The following OXR1 variants were observed in gnomAD, a reference collection of about 807,000 sequenced individuals.
OXR1 encodes oxidation resistance 1, also known as oxidation resistance protein 1.
In OXR1, 41 loss-of-function variants were observed where a neutral mutation model predicts 104.6. That is an observed-to-expected ratio of 0.39 (90% CI 0.31 to 0.51). The LOEUF is 0.51. Ranked by LOEUF, OXR1 falls within the 20% of genes least tolerant of loss-of-function variation. The pLI, the probability that OXR1 is intolerant of heterozygous loss-of-function variation, is 0.77. For missense variants in OXR1, 955 were observed against 1,031.9 expected, an observed-to-expected ratio of 0.93 and a Z score of 1.02; for synonymous variants, 348 against 348.4, an observed-to-expected ratio of 1.00 and a Z score of 0.01.
chr8:106,324,831 A>G (rs539509572), intron 1 of OXR1, among the ~76,000 whole-genome samples: 6 of 152,208 alleles, frequency 3.9e-5, no homozygotes, highest in Non-Finnish European at 7.3e-5. Flanking sequence ...TTTTGGAACC[A>G]TAAGGTCTCT....
At chr8:106,683,337 T>C (rs753014938) in intron 5 of OXR1, 31 bp downstream of exon 5, 5 of 1,010,900 alleles carry the variant, frequency 4.9e-6, no homozygotes, top group Non-Finnish European at 7.9e-6. Context: ...TGCTGATGTT[T>C]AGAAACATTA....
At chr8:106,418,924 G>A (rs1429049761) in intron 2 of OXR1, among the ~76,000 whole-genome samples, 2 of 126,582 alleles carry the variant, frequency 1.6e-5, no homozygotes, top group East Asian at 7.5e-4. Context: ...TTTTAGCAAT[G>A]AGCATATGTT....
chr8:106,395,162 C>T (rs1817728016), intron 2 of OXR1, among the ~76,000 whole-genome samples: 1 of 152,136 alleles, frequency 6.6e-6, no homozygotes, highest in South Asian at 2.1e-4. Context: ...TGTTTTAGAT[C>T]ATGGGAGCCA....
At chr8:106,715,570 A>C (rs770474010) in intron 11 of OXR1, among the ~76,000 whole-genome samples, 2 of 151,926 alleles carry the variant, frequency 1.3e-5, no homozygotes, top group Non-Finnish European at 1.5e-5. Flanking sequence ...TTGAAGGTAG[A>C]GTGGAAGGTG....
chr8:106,383,993 A>T (rs909230361), intron 2 of OXR1, among the ~76,000 whole-genome samples: 1 of 152,212 alleles, frequency 6.6e-6, no homozygotes, highest in Non-Finnish European at 1.5e-5. Context: ...TAGAATGAAT[A>T]GAAGTCTGGG....
intron 11 of OXR1, among the ~76,000 whole-genome samples, chr8:106,735,549 G>C (rs1176604774): frequency 6.6e-6 from 1 of 151,984 alleles, no homozygotes; most frequent in Non-Finnish European, 1.5e-5. Flanking sequence ...AGGAGTTTTA[G>C]AATATAGATA....
intron 3 of OXR1, among the ~76,000 whole-genome samples, chr8:106,637,473 C>A (rs1276247362): frequency 6.6e-6 from 1 of 152,048 alleles, no homozygotes; most frequent in Non-Finnish European, 1.5e-5. Flanking sequence ...ATGAAGGAAC[C>A]AGTAAGATGT....
At chr8:106,697,293 G>C (rs1830138856) in intron 7 of OXR1, 1 of 746,928 alleles carries the variant, frequency 1.3e-6, no homozygotes, top group Non-Finnish European at 2.2e-6. Context: ...TGATAGGACA[G>C]GCTGAACCCC....
chr8:106,555,874 GTA>G (rs912393861), intron 3 of OXR1, among the ~76,000 whole-genome samples: 47 of 148,408 alleles, frequency 3.2e-4, no homozygotes, highest in African/African-American at 1.0e-3. Flanking sequence ...ATGTGTGTGT[GTA>G]TATATATATG....
intron 3 of OXR1, among the ~76,000 whole-genome samples, chr8:106,542,950 A>G (rs182701896): frequency 1.7e-3 from 263 of 152,188 alleles, no homozygotes; most frequent in African/African-American, 5.9e-3. Context: ...ATGCTATATT[A>G]TTTTTTGCCC....
chr8:106,513,696 G>T (rs1400807233), intron 2 of OXR1, among the ~76,000 whole-genome samples: 2 of 152,130 alleles, frequency 1.3e-5, no homozygotes, highest in Non-Finnish European at 2.9e-5. Flanking sequence ...CAGCATCCCT[G>T]GGAATTGTGC....
intron 2 of OXR1, among the ~76,000 whole-genome samples, chr8:106,396,990 C>T (rs997240996): frequency 7.9e-5 from 12 of 151,952 alleles, no homozygotes; most frequent in African/African-American, 2.9e-4. Flanking sequence ...CAAGGAAAAA[C>T]CCCCAGCAAT....
At chr8:106,727,615 T>C (rs992021417) in intron 11 of OXR1, among the ~76,000 whole-genome samples, 2 of 152,118 alleles carry the variant, frequency 1.3e-5, no homozygotes, top group African/African-American at 4.8e-5. Context: ...AGACTAGGTT[T>C]CGCCTTGTTG....
intron 3 of OXR1, among the ~76,000 whole-genome samples, chr8:106,542,379 G>A (rs558850287): frequency 2.6e-5 from 4 of 152,076 alleles, no homozygotes; most frequent in Non-Finnish European, 5.9e-5. Context: ...CACCTAGATG[G>A]ATTTTTGTTC....
chr8:106,368,258 TA>T (rs898785375), intron 2 of OXR1, among the ~76,000 whole-genome samples: 5 of 151,844 alleles, frequency 3.3e-5, no homozygotes, highest in Admixed American at 3.3e-4. Context: ...TAAGATATAA[TA>T]AAAAAAGAAA....
intron 11 of OXR1, among the ~76,000 whole-genome samples, chr8:106,733,729 G>T (rs911146840): frequency 9.3e-5 from 14 of 150,792 alleles, no homozygotes; most frequent in African/African-American, 3.4e-4. Flanking sequence ...GGGAGACTGA[G>T]GCAGAAGAAT....
intron 3 of OXR1, among the ~76,000 whole-genome samples, chr8:106,544,684 T>C (rs1413941106): frequency 6.6e-6 from 1 of 152,202 alleles, no homozygotes; most frequent in Admixed American, 6.5e-5. Flanking sequence ...AGAGACGGAT[T>C]TTCCCTGAAA....
intron 1 of OXR1, among the ~76,000 whole-genome samples, chr8:106,352,522 T>C (rs1352793741): frequency 6.6e-6 from 1 of 152,224 alleles, no homozygotes; most frequent in African/African-American, 2.4e-5. Context: ...TGTATAAGGA[T>C]ATACACTGCA....
At chr8:106,622,089 C>G (rs1419553283) in intron 3 of OXR1, among the ~76,000 whole-genome samples, 6 of 152,042 alleles carry the variant, frequency 3.9e-5, no homozygotes, top group Non-Finnish European at 8.8e-5. Flanking sequence ...AGCATCATTT[C>G]TCTAGCTATT....
Sources: allele counts gnomAD v4.1 joint callset (sites outside exome capture counted in the v4.1 genomes callset), GRCh38; gene constraint gnomAD v4.1.1; transcripts MANE v1.5; gene names NCBI Gene and HGNC (gene_info 2026-07-23, HGNC 2026-07-21).